Variants in MCM6 observed in about 807,000 individuals in gnomAD.
MCM6 encodes the protein minichromosome maintenance complex component 6.
In MCM6, 46 loss-of-function variants were observed where a neutral mutation model predicts 94.3. The observed-to-expected ratio is 0.49, with a 90% CI of 0.39 to 0.62. The LOEUF is 0.62. Among genes scored for constraint, MCM6 ranks in the 20% least tolerant of loss-of-function variants. The pLI, the probability that MCM6 is intolerant of heterozygous loss-of-function variation, is 0.00. For synonymous variants in MCM6, 335 were observed against 351.9 expected, an observed-to-expected ratio of 0.95 and a Z score of 0.54; for missense variants, 865 against 1,017.9, an observed-to-expected ratio of 0.85 and a Z score of 2.04.
chr2:135,844,454 G>T, intron 16 of MCM6, 91 bp downstream of exon 16: 1 of 1,202,716 alleles, frequency 8.3e-7, no homozygotes, highest in Non-Finnish European at 1.1e-6. Context: ...AACAAACAAA[G>T]GTCAAAAAAA....
chr2:135,863,642 A>G (rs1680033549), intron 7 of MCM6, among the ~76,000 whole-genome samples: 1 of 152,130 alleles, frequency 6.6e-6, no homozygotes, highest in Admixed American at 6.6e-5. Context: ...GTGGTGGGGA[A>G]TCGTTTAAGC....
chr2:135,864,140 A>C (rs1423167515), intron 7 of MCM6, among the ~76,000 whole-genome samples: 1 of 152,118 alleles, frequency 6.6e-6, no homozygotes, highest in Admixed American at 6.5e-5. Flanking sequence ...AAAGATAAAA[A>C]AAGGTTGAGT....
intron 9 of MCM6, among the ~76,000 whole-genome samples, chr2:135,859,090 C>T (rs962653073): frequency 1.3e-5 from 2 of 152,084 alleles, no homozygotes; most frequent in Non-Finnish European, 2.9e-5. Flanking sequence ...AATGGGTTTT[C>T]GCCATGTTGG....
intron 3 of MCM6, among the ~76,000 whole-genome samples, chr2:135,869,184 T>C (rs1680155642): frequency 6.6e-6 from 1 of 152,144 alleles, no homozygotes; most frequent in Non-Finnish European, 1.5e-5. Context: ...GGGCGGATCA[T>C]GAGGTCAAGA....
chr2:135,866,090 A>T, intron 6 of MCM6, 42 bp downstream of exon 6: 1 of 1,610,044 alleles, frequency 6.2e-7, no homozygotes, highest in Non-Finnish European at 8.5e-7. Context: ...TGACAGAGAG[A>T]GACTGTTTCA....
intron 10 of MCM6, among the ~76,000 whole-genome samples, chr2:135,857,104 A>G (rs1326620339): frequency 1.3e-5 from 2 of 152,216 alleles, no homozygotes; most frequent in Non-Finnish European, 2.9e-5. Flanking sequence ...CAAATATAAA[A>G]GGATGTTGCG....
Position 135,840,081 on chromosome 2 carries a change from G to A in MCM6, c.*754C>T, listed in dbSNP as rs1679540890. The stretch of plus-strand genomic sequence containing the variant: ...TTCCTGGAAGACCATAAAATTTGGG[G>A]ATTGCTTGTAATATAGCAAATGACC... On this transcript the variant is annotated 3_prime_UTR_variant, in exon 17 of 17. Coordinates refer to ENST00000264156, the MANE Select transcript of MCM6 (RefSeq NM_005915.6). 2 of 152,062 alleles carry A rather than the reference G, an allele frequency of 1.3e-5. No homozygotes were observed. Among genetic ancestry groups the A allele is most frequent in the Non-Finnish European group, 2.9e-5 (2 of 68,018 alleles). The allele number at this position is 152,062 out of a possible 1,614,324, so 9.4% of individuals were successfully genotyped here.
rs55711144 is a variant in MCM6, at chr2:135,863,723, TAACAAAACAAAACAAAACAA to T, written c.1079-995_1079-976del. Among the ~76,000 whole-genome samples the T allele has an allele frequency of 3.5e-3, 521 of 147,150 alleles. 3 individuals are homozygous for T. The highest frequency in any genetic ancestry group is 0.012 in the African/African-American group (470 of 39,514). ...TCCAGCCTGGGCAAGAGTAAGACCC[TAACAAAACAAAACAAAACAA>T]AACAAAACAAAACAAAACAGGTAGA... is the stretch of plus-strand genomic sequence containing the variant. On this transcript the variant is annotated intron_variant, in intron 7 of 16. Coordinates refer to ENST00000264156, the MANE Select transcript of MCM6 (RefSeq NM_005915.6).
Position 135,839,629 on chromosome 2 carries a change from T to C in MCM6, c.*1206A>G, listed in dbSNP as rs778900424. 5.3e-5 allele frequency: 8 copies of C among 152,262 alleles called. No homozygotes were observed. The highest frequency in any genetic ancestry group is 1.3e-4 in the Admixed American group (2 of 15,288). 9.4% of individuals were successfully genotyped at this position (152,262 alleles called of 1,614,324 possible). Reference sequence around the variant, plus strand: ...AAATCTACTTGAGTATTCACTCTTGTTTTTAATGTTTGCCATTTATTTTTA... The same window carrying C: ...AAATCTACTTGAGTATTCACTCTTGCTTTTAATGTTTGCCATTTATTTTTA... On this transcript the variant is annotated 3_prime_UTR_variant, in exon 17 of 17. Transcript: ENST00000264156.
chr2:135,858,142 C>T, intron 9 of MCM6, 138 bp from the exon 10 acceptor site: 1 of 737,370 alleles, frequency 1.4e-6, no homozygotes, highest in South Asian at 1.6e-5. Flanking sequence ...TACAGTGAGC[C>T]ATGATTGCCA....
rs567110296 is a variant in MCM6 at position 135,872,716 on chromosome 2, T to C, written c.235A>G (p.Ile79Val). 3.1e-6 allele frequency: 5 copies of C among 1,614,200 alleles called. No individual in the cohort carries two copies. The South Asian group carries it at 5.5e-5, about 18-fold the overall frequency. ...CCATACCTATAGAACTCCTCTTGAATGGTGGTGGAAAGTTGCTGGTTAAAT... is the reference window on the plus strand; with the variant it reads ...CCATACCTATAGAACTCCTCTTGAACGGTGGTGGAAAGTTGCTGGTTAAAT... ...EQFNQQLSTT[I>V]QEEFYRVYPY... The change falls in exon 2 of 17, where the codon ATT becomes GTT. Residue 79 changes from isoleucine (I) to valine (V), a missense_variant. By Grantham distance (29) the Ile-to-Val change is conservative. Coordinates refer to ENST00000264156, the MANE Select transcript of MCM6 (RefSeq NM_005915.6).
At chr2:135,865,858 G>C (rs2105588612) in intron 6 of MCM6, among the ~76,000 whole-genome samples, 1 of 152,246 alleles carries the variant, frequency 6.6e-6, no homozygotes, top group East Asian at 1.9e-4. Context: ...TGGCAGCTCA[G>C]GGTAGGTGTT....
chr2:135,854,550 AAGAG>A (rs1471743235), intron 11 of MCM6, among the ~76,000 whole-genome samples: 14,388 of 43,548 alleles, frequency 0.33, 999 homozygotes, highest in Non-Finnish European at 0.37. Context: ...AAAAAAAAAA[AAGAG>A]AAAAAGAAAA....
At chr2:135,870,640 T>C (rs1334102127) in intron 2 of MCM6, among the ~76,000 whole-genome samples, 1 of 152,258 alleles carries the variant, frequency 6.6e-6, no homozygotes, top group East Asian at 1.9e-4. Flanking sequence ...GCCATTCCTC[T>C]GTCCAAGATG....
At position 135,840,747 on chromosome 2, in the gene MCM6, T is replaced by A. The variant is rs1679552989; in HGVS notation, c.*88A>T. 2.3e-6 allele frequency: 2 copies of A among 858,030 alleles called. No individual in the cohort carries two copies. Among genetic ancestry groups the A allele is most frequent in the Admixed American group, 3.8e-5 (2 of 52,322 alleles). 53.2% of individuals were successfully genotyped at this position (858,030 alleles called of 1,614,324 possible). On this transcript the variant is annotated 3_prime_UTR_variant, in exon 17 of 17. Transcript: ENST00000264156. ...CTGGAAGCATCACTTCCAGAAACAC[T>A]TCTGTCCCTAGCAGAGCTCCAGCCA...
intron 11 of MCM6, among the ~76,000 whole-genome samples, chr2:135,855,109 T>C (rs967513389): frequency 7.9e-5 from 12 of 151,990 alleles, no homozygotes; most frequent in African/African-American, 2.9e-4. Flanking sequence ...TGAGCCAAGA[T>C]TGTGCCACTG....
At chr2:135,848,254 T>C in intron 13 of MCM6, 66 bp from the exon 14 acceptor site, 1 of 1,205,584 alleles carries the variant, frequency 8.3e-7, no homozygotes, top group Non-Finnish European at 1.2e-6. Context: ...TTTCTCCCAA[T>C]GAAATCACAG....
chr2:135,841,410 T>A (rs1463492050), intron 16 of MCM6, among the ~76,000 whole-genome samples: 3 of 151,868 alleles, frequency 2.0e-5, no homozygotes, highest in African/African-American at 4.8e-5. Flanking sequence ...ATCTGAAAAA[T>A]TTTTCACTCT....
At position 135,862,653 on chromosome 2, in the gene MCM6, C is replaced by G. The variant is rs1199011126; in HGVS notation, c.1174G>C (p.Val392Leu). ...GTACTTGGGTCACCAACAATGCAAACATTTATGTCCCCTCGAAGAGAGGTC... is the reference window on the plus strand; with the variant it reads ...GTACTTGGGTCACCAACAATGCAAAGATTTATGTCCCCTCGAAGAGAGGTC... ...EGTSLRGDIN[V>L]CIVGDPSTAK... Residue 392 changes from valine to leucine, a missense_variant, in exon 8 of 17, where the codon GTT (valine) becomes CTT (leucine). Physicochemically the swap from Val to Leu is conservative, Grantham distance 32. Around this residue, in one of 3 missense-constraint regions of MCM6, gnomAD observed 153 missense variants for 241.5 expected, o/e 0.63. Transcript: ENST00000264156. The G allele has an allele frequency of 6.8e-6, 11 of 1,614,058 alleles. No homozygotes were observed. The highest frequency in any genetic ancestry group is 1.3e-5 in the African/African-American group (1 of 74,908).
Sources: gnomAD v4.1 joint callset for allele counts (sites outside exome capture counted in the v4.1 genomes callset) on GRCh38, gnomAD v4.1.1 for gene constraint, gnomAD v4.1.1 regional missense constraint, MANE v1.5 for transcripts, NCBI Gene and HGNC (gene_info 2026-07-23, HGNC 2026-07-21) for gene names.